TENM4: variants seen among roughly 807,000 people sequenced by gnomAD.
The protein encoded by TENM4 is teneurin transmembrane protein 4, also known as teneurin-4.
In TENM4, 82 loss-of-function variants were observed where a neutral mutation model predicts 243.3. That is an observed-to-expected ratio of 0.34 (90% confidence interval 0.28 to 0.40). TENM4 has a LOEUF of 0.40. Among genes scored for constraint, TENM4 ranks in the 10% least tolerant of loss-of-function variants. TENM4 has a pLI of 1.00. For missense variants in TENM4, 3,138 were observed against 3,673.3 expected, an observed-to-expected ratio of 0.85 and a Z score of 3.77; for synonymous variants, 1,412 against 1,456.3, an observed-to-expected ratio of 0.97 and a Z score of 0.69.
intron 16 of TENM4, 86 bp downstream of exon 16, chr11:78,786,812 G>A (rs1412588567): frequency 6.6e-7 from 1 of 1,526,318 alleles, no homozygotes; most frequent in Non-Finnish European, 8.8e-7. Flanking sequence ...CATGCGATGA[G>A]GGCCCAGGCT....
chr11:79,315,618 C>G (rs1427416217), intron 1 of TENM4, among the ~76,000 whole-genome samples: 1 of 152,208 alleles, frequency 6.6e-6, no homozygotes, highest in Non-Finnish European at 1.5e-5. Flanking sequence ...GCTTGTTAGA[C>G]ATGCAGAATC....
At chr11:79,211,276 CAGG>C (rs1296439281) in intron 3 of TENM4, among the ~76,000 whole-genome samples, 1 of 152,196 alleles carries the variant, frequency 6.6e-6, no homozygotes, top group Non-Finnish European at 1.5e-5. Flanking sequence ...GGCGTCATTC[CAGG>C]AGAACTCCTG....
chr11:79,307,929 G>A (rs1856653747), intron 1 of TENM4, among the ~76,000 whole-genome samples: 1 of 152,234 alleles, frequency 6.6e-6, no homozygotes, highest in Non-Finnish European at 1.5e-5. Flanking sequence ...GCAGGAGCCT[G>A]CACTCCCTCT....
chr11:78,950,132 G>A (rs894874869), intron 6 of TENM4, among the ~76,000 whole-genome samples: 1 of 152,062 alleles, frequency 6.6e-6, no homozygotes, highest in Non-Finnish European at 1.5e-5. Flanking sequence ...GGCCTTAAAG[G>A]GCCACTGCCC....
chr11:79,256,889 G>A (rs1003092643), intron 2 of TENM4, among the ~76,000 whole-genome samples: 1 of 152,138 alleles, frequency 6.6e-6, no homozygotes, highest in Non-Finnish European at 1.5e-5. Context: ...TGGTCACTGT[G>A]CAATTACTAA....
At chr11:79,020,158 A>G (rs1565170165) in intron 6 of TENM4, among the ~76,000 whole-genome samples, 1 of 152,212 alleles carries the variant, frequency 6.6e-6, no homozygotes, top group Non-Finnish European at 1.5e-5. Context: ...CTTCTGGCAC[A>G]GATGATGTTA....
intron 6 of TENM4, among the ~76,000 whole-genome samples, chr11:79,013,203 G>A (rs1858693145): frequency 6.6e-6 from 1 of 152,066 alleles, no homozygotes; most frequent in Admixed American, 6.5e-5. Context: ...GGTATTTCCT[G>A]ACTTAGATCC....
chr11:78,755,008 A>C (rs886717837), intron 19 of TENM4, among the ~76,000 whole-genome samples: 15 of 152,196 alleles, frequency 9.9e-5, no homozygotes, highest in African/African-American at 3.1e-4. Context: ...ACAGACCTGC[A>C]TGTCTGCATC....
chr11:79,247,437 A>AAAG (rs1565267415), intron 2 of TENM4, among the ~76,000 whole-genome samples: 15 of 145,046 alleles, frequency 1.0e-4, no homozygotes, highest in African/African-American at 2.6e-4. Flanking sequence ...AAAAAAAAAA[A>AAAG]AAGAAGAAGA....
chr11:79,346,550 T>C (rs1481711593), intron 1 of TENM4, among the ~76,000 whole-genome samples: 2 of 152,150 alleles, frequency 1.3e-5, no homozygotes, highest in Admixed American at 1.3e-4. Flanking sequence ...CTATTACGAG[T>C]AATTAGTAAT....
At chr11:78,950,464 G>A (rs902264986) in intron 6 of TENM4, among the ~76,000 whole-genome samples, 4 of 152,164 alleles carry the variant, frequency 2.6e-5, no homozygotes, top group Admixed American at 6.5e-5. Context: ...TCAAGAAAGG[G>A]AGAGATGGCT....
intron 4 of TENM4, among the ~76,000 whole-genome samples, chr11:79,134,243 T>C (rs898634301): frequency 6.6e-6 from 1 of 152,060 alleles, no homozygotes; most frequent in Non-Finnish European, 1.5e-5. Flanking sequence ...CAACTCCTTT[T>C]ACAATAGCTG....
chr11:79,414,676 C>A (rs1428245882), intron 1 of TENM4, among the ~76,000 whole-genome samples: 1 of 152,152 alleles, frequency 6.6e-6, no homozygotes, highest in African/African-American at 2.4e-5. Context: ...AAAAAAAACA[C>A]AACTTGCTTT....
chr11:79,394,330 C>A (rs935934177), intron 1 of TENM4, among the ~76,000 whole-genome samples: 1 of 152,178 alleles, frequency 6.6e-6, no homozygotes, highest in Admixed American at 6.5e-5. Context: ...ATCCCAGCAG[C>A]TCCCAAGGTC....
chr11:78,732,611 G>C, intron 20 of TENM4, 34 bp from the exon 21 acceptor site: 1 of 1,547,388 alleles, frequency 6.5e-7, no homozygotes, highest in Non-Finnish European at 8.7e-7. Flanking sequence ...AAGGGGCGGG[G>C]AGCAGGAAGA....
chr11:78,932,421 G>A (rs1024164506), intron 6 of TENM4, among the ~76,000 whole-genome samples: 2 of 152,180 alleles, frequency 1.3e-5, no homozygotes, highest in South Asian at 2.1e-4. Context: ...AGATGGCTCC[G>A]TGAGCATGAG....
At chr11:78,926,247 A>G (rs1466275800) in intron 6 of TENM4, among the ~76,000 whole-genome samples, 14 of 147,574 alleles carry the variant, frequency 9.5e-5, no homozygotes, top group African/African-American at 3.0e-4. Flanking sequence ...GAGACTTGGG[A>G]GTGGGGAGGG....
chr11:78,863,271 T>G, intron 9 of TENM4, 139 bp from the exon 10 acceptor site: 29 of 976,234 alleles, frequency 3.0e-5, no homozygotes, highest in South Asian at 4.7e-5. Flanking sequence ...AAGGAAGCTC[T>G]TGTAGTGCCA....
chr11:78,938,562 A>G (rs568519336), intron 6 of TENM4, among the ~76,000 whole-genome samples: 3 of 152,334 alleles, frequency 2.0e-5, no homozygotes, highest in Non-Finnish European at 4.4e-5. Flanking sequence ...ATAACAAAAG[A>G]AAAATATGCC....
Sources: gnomAD v4.1 joint callset for allele counts (sites outside exome capture counted in the v4.1 genomes callset) on GRCh38, gnomAD v4.1.1 for gene constraint, MANE v1.5 for transcripts, NCBI Gene and HGNC (gene_info 2026-07-23, HGNC 2026-07-21) for gene names.